The following EPHB1 variants were observed in gnomAD, a reference collection of about 807,000 sequenced individuals.
EPHB1 encodes the protein EPH receptor B1.
EPHB1 carries 30 observed loss-of-function variants against 94.4 expected under a neutral mutation model. The observed-to-expected ratio is 0.32, with a 90% CI of 0.24 to 0.43. The LOEUF is 0.43. Among genes scored for constraint, EPHB1 ranks in the 20% least tolerant of loss-of-function variants. The pLI, the probability that EPHB1 is intolerant of heterozygous loss-of-function variation, is 1.00. For missense variants in EPHB1, 1,055 were observed against 1,308.3 expected (o/e 0.81, Z 2.99); for synonymous variants, 522 against 489.1 (o/e 1.07, Z -0.89).
chr3:134,902,651 T>C (rs1477654831), intron 1 of EPHB1, among the ~76,000 whole-genome samples: 8 of 152,226 alleles, frequency 5.3e-5, no homozygotes, highest in African/African-American at 1.9e-4. Context: ...TCATTAATGA[T>C]AGTGGAAGTA....
chr3:135,136,583 G>T (rs984875214), intron 5 of EPHB1, among the ~76,000 whole-genome samples: 7 of 152,190 alleles, frequency 4.6e-5, no homozygotes, highest in African/African-American at 1.7e-4. Context: ...GCCAACAAAG[G>T]ATTCTAAGAA....
chr3:135,215,891 G>A (rs895059922), intron 12 of EPHB1, among the ~76,000 whole-genome samples: 1 of 152,190 alleles, frequency 6.6e-6, no homozygotes, highest in South Asian at 2.1e-4. Context: ...CATTGAAACC[G>A]TTTCAGGGAG....
chr3:135,133,033 C>A lies in EPHB1; in HGVS notation c.1281C>A (p.Ile427=), dbSNP rs542495161. Residue 427 remains isoleucine, a synonymous_variant, in exon 5 of 16, where the codon ATC becomes ATA. Transcript: ENST00000398015. ...CCCCACAGCACGTCTCTGTCAACAT[C>A]ACCACAAACCAAGCCGGTAAGTCTG... ...PFPPQHVSVN[I]TTNQAAPSTV... The A allele has an allele frequency of 1.2e-5, 19 of 1,591,100 alleles. No individual in the cohort carries two copies. The East Asian group carries it at 4.3e-4, about 36-fold the overall frequency.
chr3:135,255,399 A>C (rs1416018776), intron 15 of EPHB1, among the ~76,000 whole-genome samples: 4 of 138,906 alleles, frequency 2.9e-5, no homozygotes, highest in Non-Finnish European at 6.3e-5. Flanking sequence ...TGCATCCCAG[A>C]GATTCTGGTA....
intron 1 of EPHB1, among the ~76,000 whole-genome samples, chr3:134,816,947 G>A (rs1271784569): frequency 6.6e-6 from 1 of 152,028 alleles, no homozygotes; most frequent in East Asian, 1.9e-4. Context: ...GCAGAGCAAG[G>A]AAAGGGCCTG....
intron 1 of EPHB1, among the ~76,000 whole-genome samples, chr3:134,809,951 A>G (rs372233333): frequency 6.6e-6 from 1 of 152,230 alleles, no homozygotes. Context: ...AATGACTACC[A>G]CAAGATCAGG....
chr3:134,989,631 T>G (rs566219214), intron 3 of EPHB1, among the ~76,000 whole-genome samples: 60 of 152,286 alleles, frequency 3.9e-4, no homozygotes, highest in Middle Eastern at 3.4e-3. Flanking sequence ...GAAAGATGGA[T>G]GGCAAGTCAA....
chr3:135,246,940 A>G (rs1943941438), intron 13 of EPHB1, among the ~76,000 whole-genome samples: 1 of 149,360 alleles, frequency 6.7e-6, no homozygotes, highest in Non-Finnish European at 1.5e-5. Flanking sequence ...GTAAAAACTA[A>G]ACTAACTGAA....
intron 1 of EPHB1, among the ~76,000 whole-genome samples, chr3:134,811,768 C>T (rs750686681): frequency 6.6e-6 from 1 of 152,216 alleles, no homozygotes; most frequent in Non-Finnish European, 1.5e-5. Context: ...TTAGTGGGCC[C>T]TCAGCCGAGT....
chr3:135,256,470 C>A lies in EPHB1; in HGVS notation c.2847-2542C>A, dbSNP rs544193532. On this transcript the variant is annotated intron_variant, in intron 15 of 15. Transcript: ENST00000398015. ...CTGTAAAGTATTTTATTTCTCCTTCCCTTATGAAGCTTAGTTTGGCTGGAT... is the reference window on the plus strand; with the variant it reads ...CTGTAAAGTATTTTATTTCTCCTTCACTTATGAAGCTTAGTTTGGCTGGAT... Among the ~76,000 whole-genome samples, 1,119 of 152,166 alleles carry A rather than the reference C, an allele frequency of 7.4e-3. 15 individuals carry two copies. Among genetic ancestry groups the A allele is most frequent in the African/African-American group, 0.025 (1,039 of 41,492 alleles).
intron 1 of EPHB1, among the ~76,000 whole-genome samples, chr3:134,917,721 G>A (rs1333496432): frequency 6.6e-6 from 1 of 152,204 alleles, no homozygotes; most frequent in East Asian, 1.9e-4. Context: ...AGATGGGTTG[G>A]GTTGGCACTT....
intron 1 of EPHB1, among the ~76,000 whole-genome samples, chr3:134,842,083 T>G (rs2036787964): frequency 6.6e-6 from 1 of 152,148 alleles, no homozygotes; most frequent in Non-Finnish European, 1.5e-5. Flanking sequence ...GGGAGGTAGT[T>G]AAGTCAGTCA....
In EPHB1 at chr3:135,248,479, G is replaced by C. The variant is rs1943980615; in HGVS notation, c.2660G>C (p.Ser887Thr). ...GATAAGATGATCCGGAACCCGGCAA[G>C]TCTCAAGACTGTGGCAACCATCACC... ...TLDKMIRNPA[S>T]LKTVATITAV... The change falls in exon 14 of 16, where the codon AGT (serine) becomes ACT (threonine). Residue 887 changes from serine to threonine, a missense_variant. Ser to Thr is a moderately conservative substitution (Grantham distance 58). Coordinates refer to ENST00000398015, the MANE Select transcript of EPHB1 (RefSeq NM_004441.5). 1 of 1,610,006 alleles carries C rather than the reference G, an allele frequency of 6.2e-7. No homozygotes were observed. Among genetic ancestry groups the C allele is most frequent in the Non-Finnish European group, 8.5e-7 (1 of 1,177,048 alleles).
chr3:135,207,561 G>A (rs1942930714), intron 12 of EPHB1, among the ~76,000 whole-genome samples: 1 of 152,150 alleles, frequency 6.6e-6, no homozygotes, highest in Non-Finnish European at 1.5e-5. Context: ...GCTGAAATAA[G>A]GGCCGCTATG....
At chr3:134,818,171 A>G (rs2108288804) in intron 1 of EPHB1, among the ~76,000 whole-genome samples, 1 of 152,318 alleles carries the variant, frequency 6.6e-6, no homozygotes, top group South Asian at 2.1e-4. Flanking sequence ...TAAGGCAATG[A>G]CTGGGGAATT....
intron 12 of EPHB1, among the ~76,000 whole-genome samples, chr3:135,240,101 G>A (rs1943745605): frequency 6.6e-6 from 1 of 152,166 alleles, no homozygotes; most frequent in Admixed American, 6.5e-5. Context: ...GTGTTGGGGA[G>A]TCTCCTCTGG....
intron 2 of EPHB1, among the ~76,000 whole-genome samples, 177 bp downstream of exon 2, chr3:134,926,057 C>T (rs899103896): frequency 6.6e-6 from 1 of 152,186 alleles, no homozygotes; most frequent in Non-Finnish European, 1.5e-5. Context: ...ACCTGAGCTG[C>T]TGCCTCGTGT....
At chr3:135,007,736 A>G (rs145221029) in intron 3 of EPHB1, among the ~76,000 whole-genome samples, 10 of 152,316 alleles carry the variant, frequency 6.6e-5, no homozygotes, top group East Asian at 1.9e-4. Context: ...CAGAATTTCA[A>G]TCCCCACGTG....
At chr3:135,215,719 G>A (rs1029235859) in intron 12 of EPHB1, among the ~76,000 whole-genome samples, 2 of 152,184 alleles carry the variant, frequency 1.3e-5, no homozygotes, top group Non-Finnish European at 2.9e-5. Context: ...CTTCCCTGGG[G>A]ACCAGAGTTT....
Sources: allele counts gnomAD v4.1 joint callset (sites outside exome capture counted in the v4.1 genomes callset), GRCh38; gene constraint gnomAD v4.1.1; transcripts MANE v1.5; gene names NCBI Gene and HGNC (gene_info 2026-07-23, HGNC 2026-07-21).